Variants in LAS1L observed in about 807,000 individuals in gnomAD.
LAS1L encodes LAS1 like ribosome biogenesis factor, also known as ribosomal biogenesis protein LAS1L.
LAS1L carries 5 observed loss-of-function variants against 57.3 expected under a neutral mutation model. The ratio of observed to expected loss-of-function variants is 0.09; its 90% confidence interval spans 0.05 to 0.18. LAS1L has a LOEUF of 0.18. LAS1L is among the 10% of genes least tolerant of loss of function. LAS1L has a pLI of 1.00. For synonymous variants in LAS1L, 245 were observed against 231.7 expected (o/e 1.06, Z -0.52); for missense variants, 360 against 568.3 (o/e 0.63, Z 3.73).
At chrX:65,522,011 T>C (rs924121277) in intron 11 of LAS1L, 1 of 111,585 alleles carries the variant, frequency 9.0e-6, no homozygotes, top group Non-Finnish European at 1.9e-5. Flanking sequence ...CTTGTGTTGC[T>C]GTTATTGTTG....
chrX:65,529,151 G>T, intron 6 of LAS1L, 61 bp downstream of exon 6: 2 of 954,725 alleles, frequency 2.1e-6, no homozygotes, highest in Non-Finnish European at 3.0e-6. Context: ...CAGGTAGCTG[G>T]CAAGAGGGAA....
chrX:65,514,534 G>GCACACACACACACACACACACACACA (rs56718186), intron 13 of LAS1L, among the ~76,000 whole-genome samples: 6 of 88,852 alleles, frequency 6.8e-5, no homozygotes, highest in African/African-American at 2.6e-4. Context: ...GTGTGTGCCT[G>GCACACACACACACACACACACACACA]CACACACACA....
At position 65,529,607 on chromosome X, in the gene LAS1L, A is replaced by G; in HGVS notation, c.786T>C (p.His262=). 1 of 1,211,202 alleles carries G rather than the reference A, an allele frequency of 8.3e-7. No homozygotes were observed. The highest frequency in any genetic ancestry group is 1.1e-6 in the Non-Finnish European group (1 of 895,319). The change falls in exon 5 of 14, where the codon CAT becomes CAC. Residue 262 remains histidine (H), a synonymous_variant. Coordinates refer to ENST00000374811, the MANE Select transcript of LAS1L (RefSeq NM_031206.7). ...CAAAACACCTACCATATAGCTCTTT[A>G]TGACTCAGGGCCTTTTTGCAATGAG... ...VDSHCKKALS[H]KELYERAREL... is the part of the protein sequence containing the mutation.
intron 11 of LAS1L, chrX:65,520,579 C>A (rs1602596442): frequency 1.3e-6 from 1 of 753,760 alleles, no homozygotes; most frequent in Middle Eastern, 7.6e-4. Flanking sequence ...CTGGCCCCAG[C>A]TCTGACTTGC....
chrX:65,526,812 A>C (rs1262159128), intron 7 of LAS1L, among the ~76,000 whole-genome samples: 1 of 111,606 alleles, frequency 9.0e-6, no homozygotes, highest in African/African-American at 3.3e-5. Flanking sequence ...CATACTTGAG[A>C]GACAAGGAAC....
intron 11 of LAS1L, chrX:65,519,073 C>T (rs1010192524): frequency 9.6e-5 from 39 of 405,646 alleles, no homozygotes; most frequent in Non-Finnish European, 1.1e-4. Context: ...ATGAGCACTG[C>T]GAACCTACTG....
chrX:65,517,956 G>T (rs774092644), intron 12 of LAS1L, 31 bp downstream of exon 12: 3 of 1,156,423 alleles, frequency 2.6e-6, no homozygotes, highest in South Asian at 4.2e-5. Flanking sequence ...AAAGAGAAAA[G>T]AAGTCCATGT....
At chrX:65,534,137 C>T (rs973818435) in intron 1 of LAS1L, among the ~76,000 whole-genome samples, 9 of 111,963 alleles carry the variant, frequency 8.0e-5, no homozygotes, top group Non-Finnish European at 1.7e-4. Context: ...CCATTGGAAT[C>T]GGAAATCTAC....
In LAS1L at chrX:65,512,826, G is replaced by GAGA; in HGVS notation, c.2151_2153dup (p.Leu718dup). The GAGA allele has an allele frequency of 2.6e-6, 3 of 1,168,244 alleles. No homozygotes were observed. Among genetic ancestry groups the GAGA allele is most frequent in the Non-Finnish European group, 3.4e-6 (3 of 873,180 alleles). On this transcript the variant is annotated inframe_insertion, in exon 14 of 14. Coordinates refer to ENST00000374811, the MANE Select transcript of LAS1L (RefSeq NM_031206.7). ...GCCCATGCAGCTGCCCCTGGCTCCAGAGAAGGCCCTCGAAGTTGCTGCTGC... is the reference window on the plus strand; with the variant it reads ...GCCCATGCAGCTGCCCCTGGCTCCAGAGAAGAAGGCCCTCGAAGTTGCTGCTGC...
rs1249572399 is a variant in LAS1L, at chrX:65,533,599, G to A, written c.362+11C>T. ...AAGCCAACCTCCACCCCTACCCCAT[G>A]CAGGTCTTACCTGACCAATGCCATG... On this transcript the variant is annotated intron_variant, in intron 2 of 13. Coordinates refer to ENST00000374811, the MANE Select transcript of LAS1L (RefSeq NM_031206.7). 8 of 1,208,325 alleles carry A rather than the reference G, an allele frequency of 6.6e-6. No individual in the cohort carries two copies. The highest frequency in any genetic ancestry group is 1.1e-6 in the Non-Finnish European group (1 of 893,583).
intron 11 of LAS1L, chrX:65,522,407 C>T (rs1280784529): frequency 9.1e-6 from 1 of 109,723 alleles, no homozygotes; most frequent in Non-Finnish European, 1.9e-5. Context: ...GAACTGAGGC[C>T]TCGCCCGAGA....
chrX:65,528,494 G>C lies in LAS1L; in HGVS notation c.847-125C>G, dbSNP rs747714728. 134 of 420,214 alleles carry C rather than the reference G, an allele frequency of 3.2e-4. No homozygotes were observed. In the East Asian group the frequency reaches 4.1e-3, roughly 13 times the overall value. 34.6% of individuals were successfully genotyped at this position (420,214 alleles called of 1,213,427 possible). ...GCAGGGGACAGGGCAGGGCATGCAG[G>C]GGGGGGCCCACAACTCCCCTACTGG... On this transcript the variant is annotated intron_variant, in intron 6 of 13. Transcript: ENST00000374811.
Position 65,524,195 on chromosome X carries a change from C to G in LAS1L, c.1161G>C (p.Arg387Ser), listed in dbSNP as rs755816378. The change falls in exon 10 of 14, where the codon AGG becomes AGC. Residue 387 changes from arginine to serine, a missense_variant. Arg to Ser is a moderately radical substitution (Grantham distance 110). Coordinates refer to ENST00000374811, the MANE Select transcript of LAS1L (RefSeq NM_031206.7). ...PFSQFWQPLL[R>S]GLHSQNFTQA... ...GCGTGAAGTTCTGGGAGTGCAGGCC[C>G]CTGAGCAGGGGCTGCCAGAACTGAG... 8.3e-7 allele frequency: 1 copy of G among 1,211,065 alleles called. No homozygotes were observed.
At position 65,518,258 on chromosome X, in the gene LAS1L, G is replaced by A. The variant is rs1400048519; in HGVS notation, c.1656C>T (p.Ala552=). 8.3e-7 allele frequency: 1 copy of A among 1,211,768 alleles called. No homozygotes were observed. Among genetic ancestry groups the A allele is most frequent in the South Asian group, 1.8e-5 (1 of 57,004 alleles). ...ASSSFGSEAK[A]QQQEEQGSVN... is the part of the protein sequence containing the mutation. ...CACTGCCCTGCTCCTCCTGTTGCTG[G>A]GCCTTTGCTTCAGACCCGAAGCTGG... The change falls in exon 12 of 14, where the codon GCC becomes GCT. Residue 552 remains alanine (A), a synonymous_variant. Transcript: ENST00000374811.
chrX:65,516,625 C>T (rs2068637729), intron 12 of LAS1L, among the ~76,000 whole-genome samples: 1 of 92,436 alleles, frequency 1.1e-5, no homozygotes, highest in Non-Finnish European at 2.1e-5. Context: ...CCTACTTTTC[C>T]CTTTTTCCTA....
intron 12 of LAS1L, among the ~76,000 whole-genome samples, chrX:65,516,208 T>C (rs2068622461): frequency 9.0e-6 from 1 of 111,091 alleles, no homozygotes; most frequent in Non-Finnish European, 1.9e-5. Flanking sequence ...TACTTGTCCA[T>C]CCCCCTCCCC....
At position 65,529,979 on chromosome X, in the gene LAS1L, T is replaced by C. The variant is rs752426139; in HGVS notation, c.515-101A>G. ...TTATAGGAAGGCCCCAGGAAAAGGCTTGGCTCCAAGGTTCAAATCTCAAAT... is the reference window on the plus strand; with the variant it reads ...TTATAGGAAGGCCCCAGGAAAAGGCCTGGCTCCAAGGTTCAAATCTCAAAT... On this transcript the variant is annotated intron_variant, in intron 4 of 13. Coordinates refer to ENST00000374811, the MANE Select transcript of LAS1L (RefSeq NM_031206.7). 1.7e-5 allele frequency: 13 copies of C among 772,915 alleles called. No individual in the cohort carries two copies. The East Asian group carries it at 3.6e-4, about 22-fold the overall frequency. The allele number at this position is 772,915 out of a possible 1,213,427, so 63.7% of individuals were successfully genotyped here. A position where few individuals can be genotyped will look rare whatever the true frequency, so the allele number is the denominator to read the frequency against.
intron 2 of LAS1L, 85 bp downstream of exon 2, chrX:65,533,525 C>A (rs1337011984): frequency 2.4e-5 from 25 of 1,030,924 alleles, no homozygotes; most frequent in Non-Finnish European, 3.4e-5. Flanking sequence ...CAGGTAACAC[C>A]TGAAGCCAAG....
intron 13 of LAS1L, 79 bp from the exon 14 acceptor site, chrX:65,512,980 G>A (rs2068500119): frequency 1.0e-6 from 1 of 964,172 alleles, no homozygotes; most frequent in Non-Finnish European, 1.4e-6. Flanking sequence ...TGACATGTGT[G>A]TATCTGTGGG....
Sources: allele counts gnomAD v4.1 joint callset (sites outside exome capture counted in the v4.1 genomes callset), GRCh38; gene constraint gnomAD v4.1.1; transcripts MANE v1.5; gene names NCBI Gene and HGNC (gene_info 2026-07-23, HGNC 2026-07-21).